SEMA3A: variants seen among roughly 807,000 people sequenced by gnomAD.
SEMA3A encodes semaphorin 3A, also known as semaphorin-3A.
Under a neutral mutation model 97.9 loss-of-function variants are expected in SEMA3A, and 29 were observed. The ratio of observed to expected loss-of-function variants is 0.30; its 90% CI spans 0.22 to 0.40. The LOEUF (loss-of-function observed/expected upper bound fraction) is 0.40, where lower values mean the gene tolerates loss of function less well. Among genes scored for constraint, SEMA3A ranks in the 10% least tolerant of loss-of-function variants. The probability of loss-of-function intolerance (pLI) is 1.00; values close to 1 mark genes in which losing one functional copy is unlikely to be tolerated. For missense variants in SEMA3A, 763 were observed against 951.3 expected (o/e 0.80, Z 2.60); for synonymous variants, 321 against 323.7 (o/e 0.99, Z 0.09).
chr7:84,234,629 A>G (rs772841345), intron 3 of SEMA3A, among the ~76,000 whole-genome samples: 11 of 151,766 alleles, frequency 7.2e-5, no homozygotes, highest in African/African-American at 1.5e-4. Flanking sequence ...AACTCCAAAG[A>G]CCTCGATTTT....
intron 3 of SEMA3A, among the ~76,000 whole-genome samples, chr7:84,211,040 T>C (rs1242292443): frequency 6.6e-6 from 1 of 152,202 alleles, no homozygotes; most frequent in Non-Finnish European, 1.5e-5. Context: ...CAGTGATATG[T>C]TCCTTTTAAA....
intron 3 of SEMA3A, among the ~76,000 whole-genome samples, chr7:84,247,456 T>A (rs1371826587): frequency 6.6e-6 from 1 of 152,168 alleles, no homozygotes; most frequent in Admixed American, 6.6e-5. Flanking sequence ...TTAACAGTTA[T>A]AATAAAGTTG....
In SEMA3A at chr7:84,352,679, T is replaced by C. The variant is rs185068861; in HGVS notation, c.-169+19145A>G. On this transcript the variant is annotated intron_variant, in intron 2 of 3. Transcript: ENST00000424555. ...GAGCTGTGAGGCATCTTAAGGGCCG[T>C]AGAATGTCTCAGGTACTTGATTATG... Among the ~76,000 whole-genome samples the C allele has an allele frequency of 7.3e-4, 111 of 152,028 alleles. 1 individual carries two copies. Among genetic ancestry groups the C allele is most frequent in the African/African-American group, 2.4e-3 (98 of 41,562 alleles).
intron 1 of SEMA3A, among the ~76,000 whole-genome samples, chr7:84,416,332 T>C (rs909808755): frequency 3.3e-5 from 5 of 152,100 alleles, no homozygotes; most frequent in African/African-American, 9.7e-5. Flanking sequence ...AGAAGTGCCT[T>C]TCACCTTCCG....
At chr7:84,003,684 G>A (rs6944512) in intron 11 of SEMA3A, among the ~76,000 whole-genome samples, 36,942 of 151,982 alleles carry the variant, frequency 0.24, 4,658 homozygotes, top group South Asian at 0.31. Context: ...ATACATTTAA[G>A]CCAGAGGTGA....
chr7:84,270,487 T>C (rs1228725002), intron 3 of SEMA3A, among the ~76,000 whole-genome samples: 1 of 150,272 alleles, frequency 6.7e-6, no homozygotes, highest in Non-Finnish European at 1.5e-5. Flanking sequence ...GGCAATAATA[T>C]CTTTTTCTTT....
At chr7:84,287,767 G>T (rs1800627605) in intron 3 of SEMA3A, among the ~76,000 whole-genome samples, 1 of 151,992 alleles carries the variant, frequency 6.6e-6, no homozygotes, top group South Asian at 2.1e-4. Flanking sequence ...AATGCTGTTC[G>T]TTTACAACTG....
chr7:84,357,755 G>C (rs554270048), intron 2 of SEMA3A, among the ~76,000 whole-genome samples: 1 of 151,738 alleles, frequency 6.6e-6, no homozygotes, highest in East Asian at 1.9e-4. Context: ...CCCACCAACA[G>C]TGTAAAAGTG....
intron 1 of SEMA3A, among the ~76,000 whole-genome samples, chr7:84,473,953 A>G (rs140287556): frequency 4.2e-4 from 64 of 152,302 alleles, no homozygotes; most frequent in African/African-American, 1.5e-3. Flanking sequence ...GCCGCACATA[A>G]GTCAGGATCT....
chr7:84,069,627 T>G (rs1430233942), intron 4 of SEMA3A, among the ~76,000 whole-genome samples: 1 of 152,106 alleles, frequency 6.6e-6, no homozygotes. Context: ...ATAATTTAAA[T>G]TAGAAAAAGT....
chr7:84,383,432 A>T (rs1188983711), intron 1 of SEMA3A, among the ~76,000 whole-genome samples: 1 of 152,174 alleles, frequency 6.6e-6, no homozygotes, highest in Non-Finnish European at 1.5e-5. Flanking sequence ...AAAAAATTCT[A>T]GTTTACTTGC....
upstream of SEMA3A, among the ~76,000 whole-genome samples, chr7:84,198,670 G>A (rs1382919614): frequency 2.0e-5 from 3 of 151,990 alleles, no homozygotes; most frequent in East Asian, 1.9e-4. Flanking sequence ...CTAACAATTC[G>A]AGCTTTCAAA....
intron 1 of SEMA3A, among the ~76,000 whole-genome samples, chr7:84,382,545 T>C (rs1443988849): frequency 1.3e-5 from 2 of 151,454 alleles, no homozygotes; most frequent in East Asian, 2.0e-4. Context: ...CAAATTCAAA[T>C]CACAATCAGT....
chr7:84,020,252 C>A (rs1791280679), intron 6 of SEMA3A, among the ~76,000 whole-genome samples: 4 of 151,728 alleles, frequency 2.6e-5, no homozygotes. Flanking sequence ...ACCATATTGA[C>A]AAGGCTGGTC....
At chr7:84,377,936 A>G (rs1584275615) in intron 1 of SEMA3A, among the ~76,000 whole-genome samples, 1 of 152,132 alleles carries the variant, frequency 6.6e-6, no homozygotes, top group African/African-American at 2.4e-5. Flanking sequence ...ATTTACCTGA[A>G]TATAGCCATG....
intron 1 of SEMA3A, among the ~76,000 whole-genome samples, chr7:84,148,225 T>C (rs1204727846): frequency 1.4e-5 from 2 of 139,926 alleles, no homozygotes; most frequent in African/African-American, 4.9e-5. Context: ...TCCTTTTTTC[T>C]TTTCTTTTCT....
chr7:84,482,113 T>C (rs1806461894), intron 1 of SEMA3A, among the ~76,000 whole-genome samples: 1 of 146,882 alleles, frequency 6.8e-6, no homozygotes, highest in Non-Finnish European at 1.5e-5. Context: ...TTAGGCAAAA[T>C]ATCAAATTCA....
chr7:84,268,502 A>G (rs139528053), intron 3 of SEMA3A, among the ~76,000 whole-genome samples: 1 of 152,170 alleles, frequency 6.6e-6, no homozygotes, highest in East Asian at 1.9e-4. Context: ...ACTTCAGTAG[A>G]GCCTAAAGCA....
At chr7:84,169,254 A>C (rs545980421) in intron 1 of SEMA3A, among the ~76,000 whole-genome samples, 2 of 151,594 alleles carry the variant, frequency 1.3e-5, no homozygotes, top group South Asian at 4.1e-4. Context: ...TGTTTTAAAA[A>C]CCTAAAATGA....
Sources: allele counts gnomAD v4.1 joint callset (sites outside exome capture counted in the v4.1 genomes callset), GRCh38; gene constraint gnomAD v4.1.1; transcripts MANE v1.5; gene names NCBI Gene and HGNC (gene_info 2026-07-23, HGNC 2026-07-21).